Variants in TNFSF15 observed in about 807,000 individuals in gnomAD.
TNFSF15 encodes the protein TNF superfamily member 15, also known as tumor necrosis factor ligand superfamily member 15.
In TNFSF15, 15 loss-of-function variants were observed where a neutral mutation model predicts 26.4. The ratio of observed to expected loss-of-function variants is 0.57; its 90% confidence interval spans 0.38 to 0.87. The LOEUF (loss-of-function observed/expected upper bound fraction) is 0.87, where lower values mean the gene tolerates loss of function less well. Ranked by LOEUF, TNFSF15 falls within the 40% of genes least tolerant of loss-of-function variation. The probability of loss-of-function intolerance (pLI) is 0.00; values close to 1 mark genes in which losing one functional copy is unlikely to be tolerated. For missense variants in TNFSF15, 290 were observed against 306.1 expected, an observed-to-expected ratio of 0.95 and a Z score of 0.39; for synonymous variants, 116 against 115.0, an observed-to-expected ratio of 1.01 and a Z score of -0.06.
intron 3 of TNFSF15, chr9:114,792,132 C>A (rs1336275236): frequency 8.7e-6 from 4 of 459,318 alleles, no homozygotes; most frequent in Non-Finnish European, 1.6e-5. Context: ...CAGCACTATT[C>A]ACAATCGCAA....
rs1279562365 is a variant in TNFSF15 at position 114,787,213 on chromosome 9, T to C, written c.*3239A>G. The C allele has an allele frequency of 6.6e-6, 1 of 152,214 alleles. No homozygotes were observed. Among genetic ancestry groups the C allele is most frequent in the Non-Finnish European group, 1.5e-5 (1 of 68,038 alleles). The allele number at this position is 152,214 out of a possible 1,614,324, so 9.4% of individuals were successfully genotyped here. On this transcript the variant is annotated 3_prime_UTR_variant, in exon 4 of 4. Coordinates refer to ENST00000374045, the MANE Select transcript of TNFSF15 (RefSeq NM_005118.4). The stretch of plus-strand genomic sequence containing the variant: ...TGGGAACTTTTTTACCTTCTTGATT[T>C]ATGGAAAACTATCCTTGAGTAGCTA...
At chr9:114,805,355 G>T (rs148426600) in intron 1 of TNFSF15, among the ~76,000 whole-genome samples, 1 of 151,972 alleles carries the variant, frequency 6.6e-6, no homozygotes, top group Non-Finnish European at 1.5e-5. Context: ...TTTATATCTG[G>T]CATATAATTC....
intron 1 of TNFSF15, 78 bp from the exon 2 acceptor site, chr9:114,793,646 T>C: frequency 7.1e-7 from 1 of 1,404,220 alleles, no homozygotes; most frequent in Non-Finnish European, 1.0e-6. Context: ...ATAGCACAGG[T>C]ATGATTACAA....
At chr9:114,794,283 AT>A (rs1564345319) in intron 1 of TNFSF15, among the ~76,000 whole-genome samples, 1 of 152,216 alleles carries the variant, frequency 6.6e-6, no homozygotes, top group African/African-American at 2.4e-5. Flanking sequence ...AAATCAGAAA[AT>A]CTATGAGTTA....
chr9:114,792,645 G>T, intron 2 of TNFSF15, 191 bp from the exon 3 acceptor site: 1 of 1,327,846 alleles, frequency 7.5e-7, no homozygotes. Flanking sequence ...AGGACAGGGT[G>T]ACTCAGAAGA....
rs1222444169 is a variant in TNFSF15, at chr9:114,787,983, T to C, written c.*2469A>G. On this transcript the variant is annotated 3_prime_UTR_variant, in exon 4 of 4. Coordinates refer to ENST00000374045, the MANE Select transcript of TNFSF15 (RefSeq NM_005118.4). ...GTGGGCAGGTTTGAGCAGGCCACTC[T>C]TCTGTGCAAAACTCCTCCTGCATAC... The C allele has an allele frequency of 6.5e-6, 1 of 153,692 alleles. No homozygotes were observed. Among genetic ancestry groups the C allele is most frequent in the African/African-American group, 2.4e-5 (1 of 41,456 alleles). The allele number at this position is 153,692 out of a possible 1,614,324, so 9.5% of individuals were successfully genotyped here.
chr9:114,795,750 C>T (rs112666614), intron 1 of TNFSF15, among the ~76,000 whole-genome samples: 5,687 of 152,234 alleles, frequency 0.037, 369 homozygotes, highest in African/African-American at 0.13. Flanking sequence ...GAATACAGCT[C>T]CATCAGTGGG....
rs1763691009 is a variant in TNFSF15 at position 114,784,885 on chromosome 9, AC to A, written c.*5566del. 6.6e-6 allele frequency: 1 copy of A among 152,194 alleles called. No homozygotes were observed. Among genetic ancestry groups the A allele is most frequent in the African/African-American group, 2.4e-5 (1 of 41,450 alleles). The allele number at this position is 152,194 out of a possible 1,614,324, so 9.4% of individuals were successfully genotyped here. A position where few individuals can be genotyped will look rare whatever the true frequency, so the allele number is the denominator to read the frequency against. On this transcript the variant is annotated 3_prime_UTR_variant, in exon 4 of 4. Transcript: ENST00000374045. ...GGTTTGTCACTAAAACCACATAAAC[AC>A]CTACACTTCTTCAATCTGTACACCC...
At chr9:114,801,154 C>A (rs1458598140) in intron 1 of TNFSF15, among the ~76,000 whole-genome samples, 1 of 152,214 alleles carries the variant, frequency 6.6e-6, no homozygotes, top group Non-Finnish European at 1.5e-5. Context: ...CTGAGTGCCA[C>A]TGCTGGGCTT....
At position 114,787,248 on chromosome 9, in the gene TNFSF15, A is replaced by C. The variant is rs937396488; in HGVS notation, c.*3204T>G. 1.3e-5 allele frequency: 2 copies of C among 152,240 alleles called. No individual in the cohort carries two copies. The highest frequency in any genetic ancestry group is 4.8e-5 in the African/African-American group (2 of 41,464). The allele number at this position is 152,240 out of a possible 1,614,324, so 9.4% of individuals were successfully genotyped here. A position where few individuals can be genotyped will look rare whatever the true frequency, so the allele number is the denominator to read the frequency against. ...TATCCTTGAGTAGCTATTTTTAAAA[A>C]AACACTTCGAGTAAACACAAATCAT... On this transcript the variant is annotated 3_prime_UTR_variant, in exon 4 of 4. Transcript: ENST00000374045.
chr9:114,800,182 C>G (rs1365894335), intron 1 of TNFSF15, among the ~76,000 whole-genome samples: 1 of 152,158 alleles, frequency 6.6e-6, no homozygotes, highest in Non-Finnish European at 1.5e-5. Flanking sequence ...TCTATGGCAG[C>G]AGCTTTCTGG....
At chr9:114,802,192 T>G (rs989049709) in intron 1 of TNFSF15, among the ~76,000 whole-genome samples, 6 of 152,230 alleles carry the variant, frequency 3.9e-5, no homozygotes, top group African/African-American at 1.4e-4. Context: ...AAAACTGTTT[T>G]CTTTCTCTAC....
At chr9:114,797,057 G>T (rs1241196167) in intron 1 of TNFSF15, among the ~76,000 whole-genome samples, 1 of 152,188 alleles carries the variant, frequency 6.6e-6, no homozygotes, top group East Asian at 1.9e-4. Context: ...GATCTTGATT[G>T]CATCCTCTGG....
chr9:114,795,278 A>ACACAGTCTCC (rs1829659734), intron 1 of TNFSF15, among the ~76,000 whole-genome samples: 1 of 152,190 alleles, frequency 6.6e-6, no homozygotes, highest in African/African-American at 2.4e-5. Flanking sequence ...TCTTGTTGCT[A>ACACAGTCTCC]CACAGTCTCC....
intron 3 of TNFSF15, 56 bp downstream of exon 3, chr9:114,792,351 A>G (rs1587898436): frequency 6.3e-7 from 1 of 1,586,368 alleles, no homozygotes; most frequent in South Asian, 1.2e-5. Flanking sequence ...AAGTGCTGAA[A>G]GAAATCTCAG....
In TNFSF15 at chr9:114,790,836, G is replaced by T; in HGVS notation, c.372C>A (p.Gly124=). The change falls in exon 4 of 4, where the codon GGC becomes GGA. Residue 124 remains glycine (G), a synonymous_variant. Transcript: ENST00000374045. The stretch of plus-strand genomic sequence containing the variant: ...TCATTCGGTTCTTGGTGAAGGCCAG[G>T]CCTAGTTCATGTTCCCAGTGCAGAG... ...FPALHWEHEL[G]LAFTKNRMNY... 1 of 1,614,154 alleles carries T rather than the reference G, an allele frequency of 6.2e-7. No individual in the cohort carries two copies. Among genetic ancestry groups the T allele is most frequent in the Non-Finnish European group, 8.5e-7 (1 of 1,180,036 alleles).
chr9:114,798,380 T>C (rs2131305751), intron 1 of TNFSF15, among the ~76,000 whole-genome samples: 1 of 152,234 alleles, frequency 6.6e-6, no homozygotes, highest in South Asian at 2.1e-4. Context: ...TTGTTTTTTT[T>C]TTTGTATGTT....
Position 114,784,835 on chromosome 9 carries a change from A to G in TNFSF15, c.*5617T>C, listed in dbSNP as rs1829470109. The stretch of plus-strand genomic sequence containing the variant: ...CTTGCGGTTGATGTTTTAACATAAA[A>G]CATAAAATCAATGAAAGCACATGGG... On this transcript the variant is annotated 3_prime_UTR_variant, in exon 4 of 4. Transcript: ENST00000374045. The G allele has an allele frequency of 6.6e-6, 1 of 152,260 alleles. No individual in the cohort carries two copies. Among genetic ancestry groups the G allele is most frequent in the African/African-American group, 2.4e-5 (1 of 41,468 alleles). The allele number at this position is 152,260 out of a possible 1,614,324, so 9.4% of individuals were successfully genotyped here.
At chr9:114,800,891 T>G (rs770065896) in intron 1 of TNFSF15, among the ~76,000 whole-genome samples, 5 of 152,188 alleles carry the variant, frequency 3.3e-5, no homozygotes, top group Non-Finnish European at 5.9e-5. Flanking sequence ...AAGCCATCAC[T>G]ACAAGACCCT....
Sources: allele counts gnomAD v4.1 joint callset (sites outside exome capture counted in the v4.1 genomes callset), GRCh38; gene constraint gnomAD v4.1.1; transcripts MANE v1.5; gene names NCBI Gene and HGNC (gene_info 2026-07-23, HGNC 2026-07-21).